The following DGKI variants were observed in gnomAD, a reference collection of about 807,000 sequenced individuals.
DGKI encodes DAG kinase iota.
Under a neutral mutation model 147.5 loss-of-function variants are expected in DGKI, and 55 were observed. The ratio of observed to expected loss-of-function variants is 0.37; its 90% confidence interval spans 0.30 to 0.47. The LOEUF is 0.47. Among genes scored for constraint, DGKI ranks in the 20% least tolerant of loss-of-function variants. DGKI has a pLI of 1.00. For missense variants in DGKI, 1,007 were observed against 1,323.8 expected (o/e 0.76, Z 3.71); for synonymous variants, 469 against 477.1 (o/e 0.98, Z 0.22).
chr7:137,487,768 T>A, intron 21 of DGKI, 79 bp from the exon 22 acceptor site: 1 of 1,297,446 alleles, frequency 7.7e-7, no homozygotes, highest in Non-Finnish European at 1.1e-6. Context: ...TTCTCGTGGT[T>A]AAAAAACAAT....
chr7:137,714,727 C>G (rs1794325802), intron 1 of DGKI, among the ~76,000 whole-genome samples: 1 of 152,186 alleles, frequency 6.6e-6, no homozygotes, highest in Non-Finnish European at 1.5e-5. Flanking sequence ...AATATTATCT[C>G]TAAAATTACT....
intron 5 of DGKI, 99 bp downstream of exon 5, chr7:137,654,633 G>C: frequency 1.1e-6 from 1 of 900,586 alleles, no homozygotes; most frequent in South Asian, 1.4e-5. Flanking sequence ...AACAGAAAGA[G>C]ATAGAATTTA....
intron 4 of DGKI, among the ~76,000 whole-genome samples, chr7:137,655,545 G>T (rs1056723155): frequency 1.4e-4 from 21 of 152,208 alleles, no homozygotes; most frequent in African/African-American, 4.8e-4. Context: ...TCTTTTAGAT[G>T]TGGAGGTCTC....
intron 22 of DGKI, 55 bp downstream of exon 22, chr7:137,487,555 T>C (rs1230659779): frequency 1.4e-6 from 2 of 1,446,408 alleles, no homozygotes; most frequent in Non-Finnish European, 1.9e-6. Context: ...TGGCTGGTAA[T>C]TGTTTACAAA....
At chr7:137,650,821 C>A (rs1370731860) in intron 5 of DGKI, among the ~76,000 whole-genome samples, 1 of 152,194 alleles carries the variant, frequency 6.6e-6, no homozygotes, top group Non-Finnish European at 1.5e-5. Context: ...CAGACTAAGA[C>A]AATGGCTGAG....
chr7:137,445,439 C>T (rs1813678271), intron 27 of DGKI, among the ~76,000 whole-genome samples: 1 of 152,110 alleles, frequency 6.6e-6, no homozygotes, highest in South Asian at 2.1e-4. Context: ...CTGCCACAAT[C>T]CCTAGTCAAC....
At chr7:137,406,641 C>T (rs113578166) in intron 30 of DGKI, among the ~76,000 whole-genome samples, 13 of 152,228 alleles carry the variant, frequency 8.5e-5, no homozygotes, top group Non-Finnish European at 1.3e-4. Context: ...TGTCAAATGA[C>T]GGGATGTGTT....
intron 13 of DGKI, among the ~76,000 whole-genome samples, chr7:137,586,893 C>G (rs760881864): frequency 1.3e-5 from 2 of 152,180 alleles, no homozygotes; most frequent in Non-Finnish European, 2.9e-5. Context: ...TCATACCAAG[C>G]TTTCCTTTCC....
chr7:137,564,477 T>C (rs1818516268), intron 19 of DGKI, among the ~76,000 whole-genome samples: 1 of 152,148 alleles, frequency 6.6e-6, no homozygotes, highest in African/African-American at 2.4e-5. Context: ...AATAAATCTG[T>C]CAGAAGACTT....
intron 1 of DGKI, among the ~76,000 whole-genome samples, chr7:137,730,178 T>C (rs1316915145): frequency 6.6e-6 from 1 of 152,056 alleles, no homozygotes; most frequent in East Asian, 1.9e-4. Context: ...CATCTCTAGT[T>C]CTCAACCAGA....
chr7:137,674,713 T>C lies in DGKI; in HGVS notation c.606+3844A>G, dbSNP rs368019296. ...ACAGAGCTTGCCCCACCTCTGAGTC[T>C]GCTCATGTTCCTCTTCCCTGCCCGA... On this transcript the variant is annotated intron_variant, in intron 3 of 32. Coordinates refer to ENST00000614521, the MANE Select transcript of DGKI (RefSeq NM_001321708.2). Among the ~76,000 whole-genome samples the C allele has an allele frequency of 1.4e-4, 22 of 152,354 alleles. No individual in the cohort carries two copies. In the East Asian group the frequency reaches 3.9e-3, roughly 27 times the overall value.
intron 21 of DGKI, among the ~76,000 whole-genome samples, chr7:137,519,966 T>C (rs1434113700): frequency 6.6e-6 from 1 of 152,108 alleles, no homozygotes; most frequent in Non-Finnish European, 1.5e-5. Context: ...CCAAAGACAC[T>C]GTTCAATTTA....
chr7:137,591,685 T>C (rs1410026039), intron 12 of DGKI, among the ~76,000 whole-genome samples: 3 of 152,190 alleles, frequency 2.0e-5, no homozygotes, highest in African/African-American at 7.2e-5. Context: ...ATGCCTGACT[T>C]TTAGAGTTGT....
intron 6 of DGKI, among the ~76,000 whole-genome samples, chr7:137,633,072 C>T (rs543325191): frequency 6.6e-6 from 1 of 151,782 alleles, no homozygotes; most frequent in African/African-American, 2.4e-5. Flanking sequence ...ATTACTCGGG[C>T]GTGGTGACGC....
chr7:137,519,273 G>A (rs1167652273), intron 21 of DGKI, among the ~76,000 whole-genome samples: 2 of 152,148 alleles, frequency 1.3e-5, no homozygotes, highest in South Asian at 2.1e-4. Context: ...TATTGTCAGG[G>A]AGCCCTGCAT....
At chr7:137,528,763 C>G (rs1484099555) in intron 20 of DGKI, among the ~76,000 whole-genome samples, 3 of 152,134 alleles carry the variant, frequency 2.0e-5, no homozygotes, top group Non-Finnish European at 4.4e-5. Context: ...TATTCTAAGT[C>G]TCTGCTTGAT....
intron 20 of DGKI, among the ~76,000 whole-genome samples, chr7:137,532,726 C>CTCTA (rs1356330272): frequency 6.6e-6 from 1 of 152,150 alleles, no homozygotes; most frequent in Non-Finnish European, 1.5e-5. Flanking sequence ...CCCGCTTTCC[C>CTCTA]AATTCAGCCC....
chr7:137,390,718 C>T lies in DGKI; in HGVS notation c.*502G>A, dbSNP rs1015697718. 4 of 156,444 alleles carry T rather than the reference C, an allele frequency of 2.6e-5. No individual in the cohort carries two copies. Among genetic ancestry groups the T allele is most frequent in the African/African-American group, 7.2e-5 (3 of 41,442 alleles). 9.7% of individuals were successfully genotyped at this position (156,444 alleles called of 1,614,324 possible). ...TGGAAGTGGTTTTACAGTTATATTT[C>T]TGCAGGACATTCAGAAGGTTTTAGA... On this transcript the variant is annotated 3_prime_UTR_variant, in exon 33 of 33. Transcript: ENST00000614521.
chr7:137,759,761 T>A (rs1370002182), intron 1 of DGKI, among the ~76,000 whole-genome samples: 7 of 151,820 alleles, frequency 4.6e-5, no homozygotes, highest in Non-Finnish European at 1.0e-4. Context: ...GGGTGAAGAG[T>A]TTACACCAAG....
Sources: allele counts gnomAD v4.1 joint callset (sites outside exome capture counted in the v4.1 genomes callset), GRCh38; gene constraint gnomAD v4.1.1; transcripts MANE v1.5; gene names NCBI Gene and HGNC (gene_info 2026-07-23, HGNC 2026-07-21).